TECTA: variants seen among roughly 807,000 people sequenced by gnomAD.
TECTA encodes the protein tectorin alpha.
In TECTA, 128 loss-of-function variants were observed where a neutral mutation model predicts 216.8. The observed-to-expected ratio is 0.59, with a 90% CI of 0.51 to 0.68. The LOEUF (loss-of-function observed/expected upper bound fraction) is 0.68, where lower values mean the gene tolerates loss of function less well. Among genes scored for constraint, TECTA ranks in the 30% least tolerant of loss-of-function variants. The probability of loss-of-function intolerance (pLI) is 0.00; values close to 1 mark genes in which losing one functional copy is unlikely to be tolerated. For synonymous variants in TECTA, 1,089 were observed against 1,117.1 expected (o/e 0.97, Z 0.50); for missense variants, 2,551 against 2,786.2 (o/e 0.92, Z 1.90).
Position 121,125,250 on chromosome 11 carries a change from C to T in TECTA, c.1204-52C>T. Reference sequence around the variant, plus strand: ...TTCCTTTCCTGATCTCTGCTGGAACCCAGTGCCTGGGCACCTGCTCACCTG... The same window carrying T: ...TTCCTTTCCTGATCTCTGCTGGAACTCAGTGCCTGGGCACCTGCTCACCTG... On this transcript the variant is annotated intron_variant, in intron 7 of 23. Transcript: ENST00000392793. The T allele has an allele frequency of 3.2e-6, 5 of 1,572,996 alleles. No homozygotes were observed. In the Admixed American group the frequency reaches 6.7e-5, roughly 21 times the overall value.
chr11:121,179,053 A>C (rs1195968080), intron 20 of TECTA, among the ~76,000 whole-genome samples: 3 of 151,710 alleles, frequency 2.0e-5, no homozygotes, highest in Non-Finnish European at 4.4e-5. Context: ...CATTTCATTG[A>C]TTCTTTGCTT....
chr11:121,164,270 C>A (rs1212005506), intron 16 of TECTA, among the ~76,000 whole-genome samples: 1 of 152,134 alleles, frequency 6.6e-6, no homozygotes, highest in Non-Finnish European at 1.5e-5. Flanking sequence ...TTCAGTAGAT[C>A]TCTTGAATTT....
At chr11:121,130,690 A>C (rs1436432774) in intron 10 of TECTA, among the ~76,000 whole-genome samples, 1 of 152,212 alleles carries the variant, frequency 6.6e-6, no homozygotes, top group Non-Finnish European at 1.5e-5. Context: ...TTGTCCCGAA[A>C]GTATCTGACC....
chr11:121,165,228 TGTGAAAATGA>T (rs1329317421), intron 16 of TECTA, 35 bp from the exon 17 acceptor site: 1 of 1,533,626 alleles, frequency 6.5e-7, no homozygotes. Flanking sequence ...CGCATGTAGG[TGTGAAAATGA>T]AGTTGTGCAT....
intron 10 of TECTA, among the ~76,000 whole-genome samples, chr11:121,132,866 T>C (rs603631): frequency 0.99 from 151,022 of 152,254 alleles, 74,907 homozygotes; most frequent in East Asian, 1. Flanking sequence ...AGATTACAGG[T>C]GCCTGCCACT....
chr11:121,112,221 T>A (rs1413568921), intron 4 of TECTA, among the ~76,000 whole-genome samples: 3 of 152,218 alleles, frequency 2.0e-5, no homozygotes, highest in Non-Finnish European at 4.4e-5. Context: ...CATTTACAAG[T>A]TTCATATGAA....
At chr11:121,137,073 A>G (rs938579871) in intron 10 of TECTA, among the ~76,000 whole-genome samples, 1 of 152,172 alleles carries the variant, frequency 6.6e-6, no homozygotes, top group Non-Finnish European at 1.5e-5. Flanking sequence ...GTACTGTGCA[A>G]ATAAGACCAC....
chr11:121,159,860 C>T (rs1946980529), intron 14 of TECTA, among the ~76,000 whole-genome samples: 1 of 152,240 alleles, frequency 6.6e-6, no homozygotes, highest in African/African-American at 2.4e-5. Flanking sequence ...GGCAACTACA[C>T]AGTAAGATGA....
rs143133132 is a variant in TECTA, at chr11:121,165,301, G to T, written c.5301G>T (p.Gly1767=). ...GAGTGGTTGAAGATCCCTGTGTGGG[G>T]GCGGACTGTCCCAACCGAACTTGCG... ...CSGVVEDPCV[G]ADCPNRTCEL... Residue 1767 remains glycine, a synonymous_variant, in exon 17 of 24, where the codon GGG becomes GGT. Transcript: ENST00000392793. 6.2e-7 allele frequency: 1 copy of T among 1,607,924 alleles called. No individual in the cohort carries two copies. Among genetic ancestry groups the T allele is most frequent in the South Asian group, 1.1e-5 (1 of 89,014 alleles).
rs1232035578 is a variant in TECTA, at chr11:121,105,616, A to G, written c.65-215A>G. 2.0e-5 allele frequency among the ~76,000 whole-genome samples: 3 copies of G among 152,254 alleles called. No individual in the cohort carries two copies. Among genetic ancestry groups the G allele is most frequent in the Non-Finnish European group, 4.4e-5 (3 of 68,044 alleles). On this transcript the variant is annotated intron_variant, in intron 2 of 23. Transcript: ENST00000392793. The surrounding 1 kb of genome is among the most constrained non-coding windows in gnomAD (Gnocchi z 5.3). ...GAACATGCACAAAGTGCTTTCTCCT[A>G]TGGAGAAACAATGTCACTCCCATTT...
rs1176251226 is a variant in TECTA, at chr11:121,109,550, T to C, written c.486+52T>C. The C allele has an allele frequency of 6.2e-6, 10 of 1,606,824 alleles. No homozygotes were observed. In the East Asian group the frequency reaches 2.2e-4, roughly 36 times the overall value. On this transcript the variant is annotated intron_variant, in intron 4 of 23. Transcript: ENST00000392793. ...ACTTCATAACCTGACATCTAATTCT[T>C]GTCCATCTTCGCTACCACGAAGGAG...
intron 13 of TECTA, among the ~76,000 whole-genome samples, chr11:121,156,609 G>C (rs1422086906): frequency 6.6e-6 from 1 of 151,994 alleles, no homozygotes; most frequent in Non-Finnish European, 1.5e-5. Flanking sequence ...CTCCCAAAGT[G>C]CTGGGATTAC....
chr11:121,177,462 T>C (rs1280101150), intron 20 of TECTA, among the ~76,000 whole-genome samples: 2 of 152,198 alleles, frequency 1.3e-5, no homozygotes, highest in African/African-American at 4.8e-5. Flanking sequence ...TTTGCCTGGG[T>C]ACCAGCAGTG....
chr11:121,104,396 C>T (rs1456108053), intron 2 of TECTA, among the ~76,000 whole-genome samples: 1 of 152,166 alleles, frequency 6.6e-6, no homozygotes, highest in Admixed American at 6.5e-5. Context: ...GCGCCTCCTA[C>T]AGCCTCAAAT....
intron 10 of TECTA, among the ~76,000 whole-genome samples, chr11:121,132,677 G>A (rs1946686904): frequency 1.3e-5 from 2 of 152,050 alleles, no homozygotes; most frequent in Admixed American, 6.6e-5. Flanking sequence ...AGTTCATACT[G>A]AACCTACAGT....
chr11:121,172,355 C>A (rs576540651), intron 20 of TECTA, among the ~76,000 whole-genome samples: 4 of 151,864 alleles, frequency 2.6e-5, no homozygotes, highest in Non-Finnish European at 5.9e-5. Context: ...CACCCCACAA[C>A]AGTCCCCAGA....
chr11:121,104,818 G>T (rs1027027133), intron 2 of TECTA, among the ~76,000 whole-genome samples: 5 of 151,868 alleles, frequency 3.3e-5, no homozygotes, highest in African/African-American at 1.2e-4. Context: ...TGCCCAGCAT[G>T]GTCTTGCCCC....
At position 121,129,749 on chromosome 11, in the gene TECTA, T is replaced by C. The variant is rs763946331; in HGVS notation, c.2479T>C (p.Tyr827His). The change falls in exon 10 of 24, where the codon TAC becomes CAC. Residue 827 changes from tyrosine to histidine, a missense_variant. Tyr to His is a moderately conservative substitution (Grantham distance 83, BLOSUM62 2). Transcript: ENST00000392793. ...VESKGVVTVQ[Y>H]SDIGLLYIRL... ...GTCCAAGGGCGTGGTGACTGTCCAG[T>C]ACTCAGACATAGGTCTATTGTACAT... 1.2e-6 allele frequency: 2 copies of C among 1,614,124 alleles called. No individual in the cohort carries two copies. Among genetic ancestry groups the C allele is most frequent in the African/African-American group, 2.7e-5 (2 of 74,942 alleles).
At chr11:121,104,965 T>C (rs1946378322) in intron 2 of TECTA, among the ~76,000 whole-genome samples, 1 of 152,218 alleles carries the variant, frequency 6.6e-6, no homozygotes, top group Non-Finnish European at 1.5e-5. Flanking sequence ...ATTTCACAGA[T>C]GCTATTGGAC....
Sources: allele counts gnomAD v4.1 joint callset (sites outside exome capture counted in the v4.1 genomes callset), GRCh38; gene constraint gnomAD v4.1.1; non-coding constraint Gnocchi (gnomAD v3.1); transcripts MANE v1.5; gene names NCBI Gene and HGNC (gene_info 2026-07-23, HGNC 2026-07-21).